ZC3H12B: variants seen among roughly 807,000 people sequenced by gnomAD.
The protein encoded by ZC3H12B is probable ribonuclease ZC3H12B.
ZC3H12B carries 7 observed loss-of-function variants against 43.9 expected under a neutral mutation model. That is an observed-to-expected ratio of 0.16 (90% CI 0.09 to 0.30). The LOEUF (loss-of-function observed/expected upper bound fraction) is 0.30. ZC3H12B is among the 10% of genes least tolerant of loss of function. The probability of loss-of-function intolerance (pLI) is 1.00; values close to 1 mark genes in which losing one functional copy is unlikely to be tolerated. For missense variants in ZC3H12B, 475 were observed against 670.2 expected, an observed-to-expected ratio of 0.71 and a Z score of 3.22; for synonymous variants, 222 against 241.7, an observed-to-expected ratio of 0.92 and a Z score of 0.76.
intron 3 of ZC3H12B, among the ~76,000 whole-genome samples, chrX:65,461,432 G>A (rs1346333013): frequency 8.9e-6 from 1 of 112,169 alleles, no homozygotes; most frequent in African/African-American, 3.2e-5. Flanking sequence ...ATTCAGAATA[G>A]CAAAGACTTG....
chrX:65,367,825 G>A (rs750769937), intron 1 of ZC3H12B, among the ~76,000 whole-genome samples: 21 of 110,720 alleles, frequency 1.9e-4, no homozygotes, highest in Non-Finnish European at 3.8e-4. Context: ...CTCCTGGATT[G>A]CATCCGGCAC....
At chrX:65,437,574 C>G (rs778611633) in intron 3 of ZC3H12B, among the ~76,000 whole-genome samples, 1 of 111,761 alleles carries the variant, frequency 8.9e-6, no homozygotes, top group East Asian at 2.8e-4. Context: ...AAATCTTTTG[C>G]CTAATTTTTA....
intron 2 of ZC3H12B, among the ~76,000 whole-genome samples, chrX:65,375,807 C>T (rs985914328): frequency 8.9e-6 from 1 of 111,876 alleles, no homozygotes; most frequent in Non-Finnish European, 1.9e-5. Flanking sequence ...AGGTAGTACA[C>T]CATAGGCCTT....
the ZC3H12B span, among the ~76,000 whole-genome samples, chrX:65,257,428 G>A: frequency 1.8e-5 from 2 of 110,436 alleles, no homozygotes; most frequent in Non-Finnish European, 3.8e-5. Context: ...ACAGGGCAGA[G>A]AACATCACAC....
chrX:65,035,198 G>C, the ZC3H12B span, among the ~76,000 whole-genome samples: 1 of 112,133 alleles, frequency 8.9e-6, no homozygotes. Context: ...CCCTGCGGCG[G>C]GCGGGGGAGG....
At chrX:65,295,554 G>A in the ZC3H12B span, among the ~76,000 whole-genome samples, 1 of 111,210 alleles carries the variant, frequency 9.0e-6, no homozygotes, top group Non-Finnish European at 1.9e-5. Context: ...TCATAACACA[G>A]ATCAGAGCAG....
chrX:65,157,427 A>G, the ZC3H12B span, among the ~76,000 whole-genome samples: 3 of 112,333 alleles, frequency 2.7e-5, no homozygotes, highest in Non-Finnish European at 5.6e-5. Flanking sequence ...TCTTCAAAGT[A>G]AATTAAATCT....
At chrX:65,160,193 A>G in the ZC3H12B span, among the ~76,000 whole-genome samples, 5 of 111,888 alleles carry the variant, frequency 4.5e-5, no homozygotes, top group African/African-American at 9.7e-5. Flanking sequence ...TTTTGCATCA[A>G]TGTTCATCAA....
Position 65,465,426 on chromosome X carries a change from C to CT in ZC3H12B, n.408-23213dup, listed in dbSNP as rs2067804791. On this transcript the variant is annotated intron_variant and non_coding_transcript_variant, in intron 3 of 5. Coordinates refer to the ZC3H12B transcript ENST00000617377. Reference sequence around the variant, plus strand: ...TGATACTAGTATAGCCATTCCAGCTCTTTTTTTGCTACTGTTTGCATGGCA... The same window carrying CT: ...TGATACTAGTATAGCCATTCCAGCTCTTTTTTTTGCTACTGTTTGCATGGCA... Among the ~76,000 whole-genome samples the CT allele has an allele frequency of 3.6e-5, 4 of 110,899 alleles. No individual in the cohort carries two copies. The Admixed American group carries it at 3.9e-4, about 11-fold the overall frequency.
At chrX:65,353,840 G>C in the ZC3H12B span, among the ~76,000 whole-genome samples, 1 of 111,551 alleles carries the variant, frequency 9.0e-6, no homozygotes, top group African/African-American at 3.3e-5. Context: ...TGTAAACAAA[G>C]TCACCGGGAA....
At chrX:65,304,972 C>A in the ZC3H12B span, among the ~76,000 whole-genome samples, 24 of 111,068 alleles carry the variant, frequency 2.2e-4, no homozygotes, top group African/African-American at 4.2e-4. Flanking sequence ...AATAAAAAAA[C>A]CAAATAAATA....
chrX:65,361,726 C>T (rs1389013636), upstream of ZC3H12B, among the ~76,000 whole-genome samples: 2 of 110,585 alleles, frequency 1.8e-5, no homozygotes, highest in Admixed American at 1.9e-4. Flanking sequence ...CATTTTATTA[C>T]CCAGCCCACT....
chrX:65,357,730 G>A, the ZC3H12B span, among the ~76,000 whole-genome samples: 2 of 111,834 alleles, frequency 1.8e-5, no homozygotes, highest in African/African-American at 6.5e-5. Flanking sequence ...ACCAGTCACT[G>A]CAAAAACACA....
the ZC3H12B span, among the ~76,000 whole-genome samples, chrX:65,165,836 G>C: frequency 2.7e-5 from 3 of 111,827 alleles, no homozygotes; most frequent in Admixed American, 9.5e-5. Context: ...TGGTCAAATG[G>C]TATTTCTGGT....
the ZC3H12B span, among the ~76,000 whole-genome samples, chrX:65,091,817 G>A: frequency 2.7e-5 from 3 of 112,192 alleles, no homozygotes; most frequent in South Asian, 1.1e-3. Context: ...TGTATGTTCT[G>A]TTCAATTTTG....
chrX:65,241,905 A>G, the ZC3H12B span, among the ~76,000 whole-genome samples: 4 of 111,547 alleles, frequency 3.6e-5, no homozygotes, highest in African/African-American at 1.3e-4. Context: ...AGCTAGAGTC[A>G]GAAAAACTCC....
chrX:65,244,727 C>CAAAAAAAAAAAAAA, the ZC3H12B span, among the ~76,000 whole-genome samples: 3 of 20,372 alleles, frequency 1.5e-4, no homozygotes, highest in African/African-American at 2.0e-4. Flanking sequence ...AATACCTTGC[C>CAAAAAAAAAAAAAA]AAAAAAAAAA....
the ZC3H12B span, among the ~76,000 whole-genome samples, chrX:65,083,494 G>A: frequency 9.0e-6 from 1 of 111,723 alleles, no homozygotes; most frequent in African/African-American, 3.2e-5. Flanking sequence ...AATTGAAAGA[G>A]TAATCCCATT....
the ZC3H12B span, among the ~76,000 whole-genome samples, chrX:65,200,966 A>T: frequency 1.8e-5 from 2 of 111,388 alleles, no homozygotes; most frequent in Non-Finnish European, 3.8e-5. Context: ...GGATTTTTGC[A>T]TCGATGTTCA....
Sources: gnomAD v4.1 joint callset for allele counts (sites outside exome capture counted in the v4.1 genomes callset) on GRCh38, gnomAD v4.1.1 for gene constraint, MANE v1.5 for transcripts, NCBI Gene and HGNC (gene_info 2026-07-23, HGNC 2026-07-21) for gene names.